Variants in SBNO2 observed in about 807,000 individuals in gnomAD.
SBNO2 encodes the protein protein strawberry notch homolog 2.
In SBNO2, 89 loss-of-function variants were observed where a neutral mutation model predicts 146.3. The ratio of observed to expected loss-of-function variants is 0.61; its 90% CI spans 0.51 to 0.73. The LOEUF is 0.73. Ranked by LOEUF, SBNO2 falls within the 30% of genes least tolerant of loss-of-function variation. The pLI is 0.00. For missense variants in SBNO2, 2,092 were observed against 2,003.7 expected (o/e 1.04, Z -0.84); for synonymous variants, 1,147 against 892.6 (o/e 1.29, Z -5.08).
chr19:1,121,142 G>C (rs2079896273), intron 11 of SBNO2, among the ~76,000 whole-genome samples: 1 of 152,178 alleles, frequency 6.6e-6, no homozygotes, highest in African/African-American at 2.4e-5. Flanking sequence ...GCCTGCCTCG[G>C]CCTCCCAAAG....
Position 1,111,112 on chromosome 19 carries a change from C to T in SBNO2, c.2810-19G>A. 6.5e-7 allele frequency: 1 copy of T among 1,541,996 alleles called. No homozygotes were observed. Among genetic ancestry groups the T allele is most frequent in the Non-Finnish European group, 8.7e-7 (1 of 1,146,076 alleles). On this transcript the variant is annotated intron_variant, in intron 24 of 31. Coordinates refer to ENST00000361757, the MANE Select transcript of SBNO2 (RefSeq NM_014963.3). ...TTCATGTCTGCGGGGAGAGGGGCCT[C>T]ACATGCTGGTCTTCCCACCCCTGCC...
chr19:1,111,585 G>C lies in SBNO2; in HGVS notation c.2730C>G (p.Leu910=). The C allele has an allele frequency of 1.3e-6, 2 of 1,594,906 alleles. No homozygotes were observed. The highest frequency in any genetic ancestry group is 1.7e-6 in the Non-Finnish European group (2 of 1,171,118). ...TCTCAGTCTGGCTCAGGATGGTGGT[G>C]AGGACACAGTGCAGGGCCCGGGTGC... is the stretch of plus-strand genomic sequence containing the variant. ...KYGTRALHCV[L]TTILSQTENK... The change falls in exon 24 of 32, where the codon CTC becomes CTG. Residue 910 remains leucine (L), a synonymous_variant. Transcript: ENST00000361757.
At chr19:1,117,203 C>T in intron 15 of SBNO2, 120 bp downstream of exon 15, 1 of 1,067,548 alleles carries the variant, frequency 9.4e-7, no homozygotes, top group Non-Finnish European at 1.3e-6. Flanking sequence ...GCGTCTCTCA[C>T]CCACCAGGGT....
chr19:1,155,114 C>T (rs1056520764), intron 1 of SBNO2: 2 of 152,262 alleles, frequency 1.3e-5, no homozygotes, highest in Admixed American at 6.5e-5. Flanking sequence ...CAGGCTGGCC[C>T]GTGGTGGCAG....
chr19:1,168,423 G>A (rs753161474), intron 1 of SBNO2, among the ~76,000 whole-genome samples: 9 of 152,100 alleles, frequency 5.9e-5, no homozygotes, highest in Non-Finnish European at 1.0e-4. Flanking sequence ...TTCCGGGGCT[G>A]GGCCCCTGCC....
chr19:1,115,890 C>T (rs1249321924), intron 17 of SBNO2, 131 bp downstream of exon 17: 2 of 768,904 alleles, frequency 2.6e-6, no homozygotes, highest in Non-Finnish European at 4.5e-6. Context: ...CTTGAGCCTG[C>T]CTGGCACGGA....
intron 4 of SBNO2, among the ~76,000 whole-genome samples, chr19:1,139,994 GA>G (rs1194421166): frequency 2.0e-5 from 3 of 151,370 alleles, no homozygotes; most frequent in African/African-American, 7.3e-5. Flanking sequence ...AGAAAAGAAA[GA>G]AAGAAAATAA....
intron 4 of SBNO2, among the ~76,000 whole-genome samples, chr19:1,137,245 A>G (rs1414253401): frequency 8.7e-5 from 3 of 34,344 alleles, no homozygotes; most frequent in East Asian, 8.0e-4. Flanking sequence ...GCTGGGGTAC[A>G]GTGGGGGGAG....
intron 3 of SBNO2, among the ~76,000 whole-genome samples, chr19:1,148,528 C>G (rs1328175563): frequency 1.1e-5 from 1 of 94,448 alleles, no homozygotes; most frequent in South Asian, 3.7e-4. Context: ...TCCTTCACCC[C>G]AGAAAACCTC....
At chr19:1,149,848 G>A (rs146462926) in intron 2 of SBNO2, among the ~76,000 whole-genome samples, 210 of 152,330 alleles carry the variant, frequency 1.4e-3, no homozygotes, top group African/African-American at 4.8e-3. Flanking sequence ...TGAGGGAGAC[G>A]CGCACCCGCT....
chr19:1,130,121 A>G (rs2080011872), intron 4 of SBNO2, among the ~76,000 whole-genome samples: 1 of 152,166 alleles, frequency 6.6e-6, no homozygotes, highest in Non-Finnish European at 1.5e-5. Context: ...GGAGACGCCT[A>G]AACACCACGT....
In SBNO2 at chr19:1,123,967, C is replaced by T. The variant is rs1315619440; in HGVS notation, c.497G>A (p.Ser166Asn). The T allele has an allele frequency of 1.2e-6, 2 of 1,611,826 alleles. No homozygotes were observed. The highest frequency in any genetic ancestry group is 1.7e-6 in the Non-Finnish European group (2 of 1,179,342). The change falls in exon 6 of 32, where the codon AGC (serine) becomes AAC (asparagine). Residue 166 changes from serine (S) to asparagine (N), a missense_variant. By Grantham distance (46) the Ser-to-Asn change is conservative (BLOSUM62 1). Coordinates refer to ENST00000361757, the MANE Select transcript of SBNO2 (RefSeq NM_014963.3). ...CTGGTAGCTGACGAGAAGCGGGGTG[C>T]TGTGGGAGGGCAGAAAGTCCTCGAA... is the stretch of plus-strand genomic sequence containing the variant. ...AGFEDFLPSHSTPLLVSYQEQ... is the reference protein window; with the variant it reads ...AGFEDFLPSHNTPLLVSYQEQ...
intron 4 of SBNO2, among the ~76,000 whole-genome samples, chr19:1,146,750 G>C (rs1338629415): frequency 6.9e-6 from 1 of 144,568 alleles, no homozygotes; most frequent in South Asian, 2.3e-4. Context: ...TGATGCCGCA[G>C]TGGGAGGCTG....
At chr19:1,133,608 G>A (rs1432671787) in intron 4 of SBNO2, among the ~76,000 whole-genome samples, 2 of 152,214 alleles carry the variant, frequency 1.3e-5, no homozygotes, top group Non-Finnish European at 2.9e-5. Context: ...ACACGGGTCC[G>A]TGCCGCTGGG....
In SBNO2 at chr19:1,136,243, G is replaced by C. The variant is rs2080083704; in HGVS notation, c.280-8478C>G. On this transcript the variant is annotated intron_variant, in intron 4 of 31. Transcript: ENST00000361757. This position sits in a 1 kb window ranked among gnomAD's most constrained non-coding sequence, Gnocchi z 4.2. ...ACTTCCAGGCTCCAGGGCTGGGAGGGGACAGAGTCCTGGCCTTTGAAGCTG... is the reference window on the plus strand; with the variant it reads ...ACTTCCAGGCTCCAGGGCTGGGAGGCGACAGAGTCCTGGCCTTTGAAGCTG... Among the ~76,000 whole-genome samples the C allele has an allele frequency of 6.6e-6, 1 of 152,178 alleles. No homozygotes were observed. The highest frequency in any genetic ancestry group is 2.1e-4 in the South Asian group (1 of 4,836).
rs1352864081 is a variant in SBNO2, at chr19:1,110,970, A to C, written c.2884+49T>G. ...GCTCACCACCCGAGGCCAAGGTTGCATGAGATGAGAGACAGGAGCGCCTCT... is the reference window on the plus strand; with the variant it reads ...GCTCACCACCCGAGGCCAAGGTTGCCTGAGATGAGAGACAGGAGCGCCTCT... On this transcript the variant is annotated intron_variant, in intron 25 of 31. Coordinates refer to ENST00000361757, the MANE Select transcript of SBNO2 (RefSeq NM_014963.3). The surrounding 1 kb of genome is among the most constrained non-coding windows in gnomAD (Gnocchi z 4.9). 2 of 1,610,064 alleles carry C rather than the reference A, an allele frequency of 1.2e-6. No individual in the cohort carries two copies. The highest frequency in any genetic ancestry group is 1.7e-6 in the Non-Finnish European group (2 of 1,178,000).
chr19:1,111,932 A>C (rs1259779764), intron 23 of SBNO2, 64 bp downstream of exon 23: 1 of 1,354,528 alleles, frequency 7.4e-7, no homozygotes, highest in Non-Finnish European at 1.0e-6. Context: ...CCAGGCTCTT[A>C]GATCCGGCCC....
At chr19:1,146,866 C>G (rs1056652582) in intron 4 of SBNO2, among the ~76,000 whole-genome samples, 4 of 151,926 alleles carry the variant, frequency 2.6e-5, no homozygotes, top group African/African-American at 7.2e-5. Flanking sequence ...CCCCGCGACC[C>G]TGGGGAGAAG....
In SBNO2 at chr19:1,173,321, C is replaced by A. The variant is rs184562613; in HGVS notation, c.-127+851G>T. 2.6e-5 allele frequency among the ~76,000 whole-genome samples: 4 copies of A among 152,356 alleles called. No individual in the cohort carries two copies. Among genetic ancestry groups the A allele is most frequent in the Non-Finnish European group, 5.9e-5 (4 of 68,036 alleles). ...CCCGCTACCCTCCCTCCCGCCTGTC[C>A]CTGGAAGCCGGGTTTGAATGCGACC... On this transcript the variant is annotated intron_variant, in intron 1 of 31. Transcript: ENST00000361757. The surrounding 1 kb of genome is among the most constrained non-coding windows in gnomAD (Gnocchi z 4.7).
Sources: allele counts gnomAD v4.1 joint callset (sites outside exome capture counted in the v4.1 genomes callset), GRCh38; gene constraint gnomAD v4.1.1; non-coding constraint Gnocchi (gnomAD v3.1); transcripts MANE v1.5; gene names NCBI Gene and HGNC (gene_info 2026-07-23, HGNC 2026-07-21).